DTHD1: variants seen among roughly 807,000 people sequenced by gnomAD.
The protein encoded by DTHD1 is death domain-containing protein 1.
Under a neutral mutation model 74.8 loss-of-function variants are expected in DTHD1, and 59 were observed. The observed-to-expected ratio is 0.79, with a 90% CI of 0.64 to 0.98. DTHD1 has a LOEUF of 0.98. DTHD1 is among the 50% of genes least tolerant of loss of function. DTHD1 has a pLI of 0.00. For synonymous variants in DTHD1, 365 were observed against 371.1 expected, an observed-to-expected ratio of 0.98 and a Z score of 0.19; for missense variants, 1,051 against 1,065.4, an observed-to-expected ratio of 0.99 and a Z score of 0.19.
chr4:36,289,074 G>C (rs1755899954), intron 2 of DTHD1, among the ~76,000 whole-genome samples: 1 of 152,060 alleles, frequency 6.6e-6, no homozygotes, highest in Admixed American at 6.6e-5. Flanking sequence ...GTTAAATTGT[G>C]CTTTAAAATT....
chr4:36,323,683 G>A (rs907789655), intron 8 of DTHD1, among the ~76,000 whole-genome samples: 1 of 152,012 alleles, frequency 6.6e-6, no homozygotes, highest in African/African-American at 2.4e-5. Flanking sequence ...TGAGGGAATA[G>A]TGCCCACATT....
chr4:36,304,541 T>G (rs1246117111), intron 5 of DTHD1, among the ~76,000 whole-genome samples: 2 of 152,222 alleles, frequency 1.3e-5, no homozygotes, highest in Admixed American at 1.3e-4. Flanking sequence ...TAGTTAAAAC[T>G]AGAGTGTAAC....
chr4:36,316,911 G>A (rs1757771404), intron 8 of DTHD1, among the ~76,000 whole-genome samples: 1 of 152,186 alleles, frequency 6.6e-6, no homozygotes, highest in Admixed American at 6.5e-5. Context: ...TGTTTCATGA[G>A]TTATGTTTGC....
In DTHD1 at chr4:36,290,565, T is replaced by C. The variant is rs2109453663; in HGVS notation, c.1080T>C (p.Phe360=). 15 of 1,551,582 alleles carry C rather than the reference T, an allele frequency of 9.7e-6. No homozygotes were observed. Among genetic ancestry groups the C allele is most frequent in the Non-Finnish European group, 1.3e-5 (15 of 1,146,992 alleles). Residue 360 remains phenylalanine (F), a synonymous_variant, in exon 3 of 10, where the codon TTT becomes TTC. Coordinates refer to ENST00000639862, the MANE Select transcript of DTHD1 (RefSeq NM_001170700.3). ...ECSDKEKRVP[F]PIGIAIPFTA... is the part of the protein sequence containing the mutation. ...CAGATAAGGAAAAGAGAGTTCCATTTCCAATAGGCATTGCAATTCCATTTA... is the reference window on the plus strand; with the variant it reads ...CAGATAAGGAAAAGAGAGTTCCATTCCCAATAGGCATTGCAATTCCATTTA...
Position 36,346,254 on chromosome 4 carries a change from CACG to C in DTHD1, c.*2433_*2435del, listed in dbSNP as rs1471696233. 2.0e-5 allele frequency among the ~76,000 whole-genome samples: 3 copies of C among 152,094 alleles called. No homozygotes were observed. Among genetic ancestry groups the C allele is most frequent in the African/African-American group, 4.8e-5 (2 of 41,500 alleles). Reference sequence around the variant, plus strand: ...CCCCACAGACACATGCACACACACACACGACATCTCACTTTACCGTTACCACTT... The same window carrying C: ...CCCCACAGACACATGCACACACACACACATCTCACTTTACCGTTACCACTT... On this transcript the variant is annotated 3_prime_UTR_variant, in exon 10 of 10. Coordinates refer to ENST00000639862, the MANE Select transcript of DTHD1 (RefSeq NM_001170700.3).
rs536902622 is a variant in DTHD1, at chr4:36,344,013, G to C, written c.*189G>C. 3.3e-6 allele frequency: 2 copies of C among 608,648 alleles called. No homozygotes were observed. Among genetic ancestry groups the C allele is most frequent in the African/African-American group, 1.8e-5 (1 of 54,070 alleles). The allele number at this position is 608,648 out of a possible 1,614,324, so 37.7% of individuals were successfully genotyped here. A position where few individuals can be genotyped will look rare whatever the true frequency, so the allele number is the denominator to read the frequency against. On this transcript the variant is annotated 3_prime_UTR_variant, in exon 10 of 10. Transcript: ENST00000639862. ...ATAGAAAGCATTCCTGGGTGTGAGC[G>C]CTCCTCTCTGGTTGAGTGATTATGT...
At chr4:36,312,220 A>G (rs904516072) in intron 7 of DTHD1, among the ~76,000 whole-genome samples, 23 of 151,724 alleles carry the variant, frequency 1.5e-4, no homozygotes, top group African/African-American at 5.3e-4. Context: ...TAATGACACC[A>G]TGGCATCATC....
intron 3 of DTHD1, among the ~76,000 whole-genome samples, chr4:36,292,540 G>A (rs1756143879): frequency 6.6e-6 from 1 of 152,184 alleles, no homozygotes; most frequent in African/African-American, 2.4e-5. Context: ...AGCAACCACT[G>A]TTGGTTTCTA....
intron 8 of DTHD1, among the ~76,000 whole-genome samples, chr4:36,319,655 C>G (rs7677141): frequency 0.71 from 107,452 of 152,202 alleles, 38,729 homozygotes; most frequent in African/African-American, 0.84. Context: ...ATGTCAGAGA[C>G]GACAGACATG....
intron 6 of DTHD1, among the ~76,000 whole-genome samples, chr4:36,307,112 G>A (rs1337587232): frequency 3.3e-5 from 5 of 152,244 alleles, no homozygotes; most frequent in Non-Finnish European, 7.3e-5. Context: ...GCTGCTCTGG[G>A]TGAGGGCCTC....
At chr4:36,293,465 T>C in intron 3 of DTHD1, 61 bp from the exon 4 acceptor site, 1 of 1,343,758 alleles carries the variant, frequency 7.4e-7, no homozygotes, top group African/African-American at 1.5e-5. Flanking sequence ...ATAGAGTCTA[T>C]ACAGCAAATA....
In DTHD1 at chr4:36,308,263, A is replaced by T; in HGVS notation, c.1865A>T (p.Lys622Ile). The T allele has an allele frequency of 6.4e-7, 1 of 1,552,250 alleles. No individual in the cohort carries two copies. Among genetic ancestry groups the T allele is most frequent in the Non-Finnish European group, 8.7e-7 (1 of 1,147,114 alleles). ...MDNSHLVTFV[K>I]SLEEAMLSTT... is the part of the protein sequence containing the mutation. ...AATAGTCATTTGGTTACTTTTGTGA[A>T]ATCTTTAGAGGAAGCCATGCTCAGC... Residue 622 changes from lysine (K) to isoleucine (I), a missense_variant, in exon 7 of 10, where the codon AAA (lysine) becomes ATA (isoleucine). Physicochemically the swap from Lys to Ile is moderately radical, Grantham distance 102. Coordinates refer to ENST00000639862, the MANE Select transcript of DTHD1 (RefSeq NM_001170700.3).
At chr4:36,303,358 G>A (rs761034633) in intron 5 of DTHD1, among the ~76,000 whole-genome samples, 11 of 152,076 alleles carry the variant, frequency 7.2e-5, no homozygotes, top group Non-Finnish European at 1.5e-4. Flanking sequence ...TCTTTATATC[G>A]TTAAGGACTC....
chr4:36,309,413 C>T (rs1757253484), intron 7 of DTHD1, among the ~76,000 whole-genome samples: 1 of 152,054 alleles, frequency 6.6e-6, no homozygotes, highest in Non-Finnish European at 1.5e-5. Flanking sequence ...GAGCCGAGAT[C>T]GCAGGTTGCA....
intron 3 of DTHD1, among the ~76,000 whole-genome samples, chr4:36,292,947 A>G (rs1756171158): frequency 6.6e-6 from 1 of 152,238 alleles, no homozygotes; most frequent in South Asian, 2.1e-4. Context: ...TTTGAATGTC[A>G]TTGTATAAAA....
intron 8 of DTHD1, chr4:36,333,626 T>C (rs1437418301): frequency 2.6e-5 from 4 of 152,300 alleles, no homozygotes; most frequent in African/African-American, 9.7e-5. Context: ...AGAGCAGCAG[T>C]AGGGCAGCAG....
At chr4:36,339,269 T>C (rs56246836) in intron 9 of DTHD1, 100 bp downstream of exon 9, 200,052 of 818,380 alleles carry the variant, frequency 0.24, 27,608 homozygotes, top group Non-Finnish European at 0.28. Context: ...AGAAAGTGAC[T>C]TTCCAATCAA....
chr4:36,298,070 TG>T (rs1166478690), intron 5 of DTHD1, among the ~76,000 whole-genome samples: 2 of 152,080 alleles, frequency 1.3e-5, no homozygotes, highest in Non-Finnish European at 2.9e-5. Flanking sequence ...GTACATAATC[TG>T]TCTTCTAGAA....
chr4:36,300,651 T>TTATTCTAAATTTGC (rs1560794383), intron 5 of DTHD1, among the ~76,000 whole-genome samples: 1 of 152,192 alleles, frequency 6.6e-6, no homozygotes, highest in Non-Finnish European at 1.5e-5. Context: ...TCTAAATTTG[T>TTATTCTAAATTTGC]TATTTATAAT....
Sources: allele counts gnomAD v4.1 joint callset (sites outside exome capture counted in the v4.1 genomes callset), GRCh38; gene constraint gnomAD v4.1.1; transcripts MANE v1.5; gene names NCBI Gene and HGNC (gene_info 2026-07-23, HGNC 2026-07-21).